OSBPL10: variants seen among roughly 807,000 people sequenced by gnomAD.
OSBPL10 encodes oxysterol binding protein like 10.
Under a neutral mutation model 81.7 loss-of-function variants are expected in OSBPL10, and 49 were observed. That is an observed-to-expected ratio of 0.60 (90% CI 0.48 to 0.76). OSBPL10 has a LOEUF of 0.76. OSBPL10 is among the 30% of genes least tolerant of loss of function. OSBPL10 has a pLI of 0.00. For missense variants in OSBPL10, 923 were observed against 987.8 expected (o/e 0.93, Z 0.88); for synonymous variants, 419 against 383.6 (o/e 1.09, Z -1.08).
intron 3 of OSBPL10, among the ~76,000 whole-genome samples, chr3:31,857,800 A>AGGT (rs1559494178): frequency 1.4e-4 from 4 of 29,114 alleles, no homozygotes; most frequent in East Asian, 1.3e-3. Context: ...GAGAGACAGA[A>AGGT]AGGGAGAGAG....
chr3:31,807,306 T>C (rs755447971), intron 4 of OSBPL10, among the ~76,000 whole-genome samples: 13 of 151,958 alleles, frequency 8.6e-5, no homozygotes, highest in Non-Finnish European at 1.5e-4. Flanking sequence ...CCAGGAGGTG[T>C]AGGCTGCAGT....
chr3:31,974,828 G>A (rs1192416978), intron 1 of OSBPL10, among the ~76,000 whole-genome samples: 1 of 152,174 alleles, frequency 6.6e-6, no homozygotes, highest in Non-Finnish European at 1.5e-5. Context: ...AACTGTGTAT[G>A]TATATGATTT....
In OSBPL10 at chr3:31,778,253, C is replaced by A. The variant is rs1402434722; in HGVS notation, c.730-30133G>T. Among the ~76,000 whole-genome samples, 4 of 152,164 alleles carry A rather than the reference C, an allele frequency of 2.6e-5. No homozygotes were observed. In the East Asian group the frequency reaches 7.7e-4, roughly 29 times the overall value. On this transcript the variant is annotated intron_variant, in intron 4 of 11. Transcript: ENST00000396556. ...AAGCCTATTGCTACCAGCTTTCCCC[C>A]ACATCCCTAGTGACAGAGGCAGCCA...
chr3:31,932,472 A>T (rs1204215698), intron 1 of OSBPL10, among the ~76,000 whole-genome samples: 6 of 152,196 alleles, frequency 3.9e-5, no homozygotes, highest in Admixed American at 3.3e-4. Context: ...GAAGATATAC[A>T]ATTTATTTCA....
At chr3:31,668,287 GA>G (rs1351537960) in intron 10 of OSBPL10, among the ~76,000 whole-genome samples, 1 of 151,864 alleles carries the variant, frequency 6.6e-6, no homozygotes, top group South Asian at 2.1e-4. Context: ...AATCTGGCAA[GA>G]AAAAAATAGT....
chr3:31,761,928 T>A (rs947722624), intron 4 of OSBPL10, among the ~76,000 whole-genome samples: 1 of 151,552 alleles, frequency 6.6e-6, no homozygotes, highest in African/African-American at 2.4e-5. Context: ...GTGATGGTAC[T>A]CAGCAATGAA....
chr3:31,858,976 A>T (rs1030306333), intron 3 of OSBPL10, among the ~76,000 whole-genome samples: 2 of 152,212 alleles, frequency 1.3e-5, no homozygotes, highest in African/African-American at 4.8e-5. Context: ...TGTGTTATAA[A>T]AAGAATATTG....
At chr3:31,817,090 G>A (rs1368811601) in intron 4 of OSBPL10, among the ~76,000 whole-genome samples, 3 of 152,178 alleles carry the variant, frequency 2.0e-5, no homozygotes, top group African/African-American at 2.4e-5. Context: ...CCTCAGAGGG[G>A]AGAAAGTACA....
intron 5 of OSBPL10, 81 bp from the exon 6 acceptor site, chr3:31,733,492 T>C (rs562724230): frequency 2.6e-6 from 4 of 1,550,900 alleles, no homozygotes; most frequent in Non-Finnish European, 3.6e-6. Flanking sequence ...ACTCACTGTA[T>C]GAAGAGACCT....
intron 1 of OSBPL10, among the ~76,000 whole-genome samples, chr3:31,924,238 GAAAAGAAA>G (rs1697004384): frequency 4.0e-5 from 6 of 149,216 alleles, no homozygotes; most frequent in Non-Finnish European, 8.9e-5. Context: ...AAGAAAGAAA[GAAAAGAAA>G]AAAAGAAATA....
At chr3:31,754,901 G>C (rs1220762382) in intron 4 of OSBPL10, among the ~76,000 whole-genome samples, 1 of 152,154 alleles carries the variant, frequency 6.6e-6, no homozygotes, top group South Asian at 2.1e-4. Flanking sequence ...AGATATTTTG[G>C]TTATTATGTT....
chr3:31,985,242 A>C (rs907527601), upstream of OSBPL10, among the ~76,000 whole-genome samples: 9 of 152,298 alleles, frequency 5.9e-5, no homozygotes, highest in Admixed American at 3.9e-4. Context: ...CCATCTCAAA[A>C]AATGTTTTAA....
At chr3:31,801,045 C>T (rs1251873891) in intron 4 of OSBPL10, among the ~76,000 whole-genome samples, 1 of 151,716 alleles carries the variant, frequency 6.6e-6, no homozygotes, top group African/African-American at 2.4e-5. Flanking sequence ...ACTGACATCA[C>T]CATAGGTTCT....
At chr3:31,683,549 C>T in intron 8 of OSBPL10, 85 bp downstream of exon 8, 1 of 1,512,322 alleles carries the variant, frequency 6.6e-7, no homozygotes. Flanking sequence ...CAACAAAAAA[C>T]TCCACACACA....
chr3:31,992,686 C>A (rs1464624240), intron 2 of OSBPL10, among the ~76,000 whole-genome samples: 1 of 152,126 alleles, frequency 6.6e-6, no homozygotes, highest in Non-Finnish European at 1.5e-5. Context: ...AACTAGACAT[C>A]TATATGCAAA....
At chr3:31,863,453 TTAAGAAACGA>T (rs1414599828) in intron 3 of OSBPL10, among the ~76,000 whole-genome samples, 1 of 152,230 alleles carries the variant, frequency 6.6e-6, no homozygotes, top group Admixed American at 6.6e-5. Context: ...ATCTTAAATT[TTAAGAAACGA>T]TAAGAGCCAC....
At chr3:31,673,175 C>T (rs910307113) in intron 8 of OSBPL10, among the ~76,000 whole-genome samples, 3 of 152,172 alleles carry the variant, frequency 2.0e-5, no homozygotes, top group African/African-American at 4.8e-5. Flanking sequence ...CCTATCCAAG[C>T]AGTAAAGGGA....
At chr3:31,933,714 A>G (rs1391564298) in intron 1 of OSBPL10, among the ~76,000 whole-genome samples, 2 of 152,080 alleles carry the variant, frequency 1.3e-5, no homozygotes, top group Non-Finnish European at 2.9e-5. Flanking sequence ...CCAGCCTCTA[A>G]AATTCTTTTA....
intron 4 of OSBPL10, among the ~76,000 whole-genome samples, chr3:31,779,425 A>C (rs78341702): frequency 6.6e-6 from 1 of 152,168 alleles, no homozygotes; most frequent in African/African-American, 2.4e-5. Context: ...TTATTCTATC[A>C]GACAAAGGAC....
Sources: allele counts gnomAD v4.1 joint callset (sites outside exome capture counted in the v4.1 genomes callset), GRCh38; gene constraint gnomAD v4.1.1; transcripts MANE v1.5; gene names NCBI Gene and HGNC (gene_info 2026-07-23, HGNC 2026-07-21).